The following SYT14 variants were observed in gnomAD, a reference collection of about 807,000 sequenced individuals.
The protein encoded by SYT14 is synaptotagmin-14.
Under a neutral mutation model 74.2 loss-of-function variants are expected in SYT14, and 32 were observed. That is an observed-to-expected ratio of 0.43 (90% confidence interval 0.33 to 0.58). The LOEUF (loss-of-function observed/expected upper bound fraction) is 0.58, where lower values mean the gene tolerates loss of function less well. Among genes scored for constraint, SYT14 ranks in the 20% least tolerant of loss-of-function variants. The probability of loss-of-function intolerance (pLI) is 0.05; values close to 1 mark genes in which losing one functional copy is unlikely to be tolerated. For synonymous variants in SYT14, 298 were observed against 337.7 expected (o/e 0.88, Z 1.29); for missense variants, 791 against 981.8 (o/e 0.81, Z 2.60).
At chr1:209,964,125 A>G (rs1176811795) in intron 2 of SYT14, among the ~76,000 whole-genome samples, 10 of 152,118 alleles carry the variant, frequency 6.6e-5, no homozygotes, top group Admixed American at 2.0e-4. Context: ...AGGTGATTGG[A>G]TCATGGGGGC....
intron 4 of SYT14, among the ~76,000 whole-genome samples, chr1:210,020,452 T>A (rs2080278424): frequency 6.6e-6 from 1 of 152,314 alleles, no homozygotes; most frequent in East Asian, 1.9e-4. Context: ...AAAAGTTTGA[T>A]ATATTTTGCC....
intron 5 of SYT14, among the ~76,000 whole-genome samples, chr1:210,073,009 TA>T (rs11299416): frequency 0.96 from 138,976 of 144,364 alleles, 66,916 homozygotes; most frequent in South Asian, 0.99. Flanking sequence ...TTGCAATCTG[TA>T]AAAAAAAAAA....
chr1:210,155,183 C>T (rs1250609823), intron 7 of SYT14, among the ~76,000 whole-genome samples: 1 of 152,128 alleles, frequency 6.6e-6, no homozygotes, highest in African/African-American at 2.4e-5. Context: ...TGATTATTGC[C>T]TTAAAGCCAA....
rs375999019 is a variant in SYT14, at chr1:210,013,629, C to G, written c.-485-4C>G. On this transcript the variant is annotated splice_region_variant and splice_polypyrimidine_tract_variant and intron_variant, in intron 2 of 9. Transcript: ENST00000637265. ...CTTACAGCTGTGACTTTTTTTTTCTCTAGTATCTCCAGAGGCAGTTGGATT... is the reference window on the plus strand; with the variant it reads ...CTTACAGCTGTGACTTTTTTTTTCTGTAGTATCTCCAGAGGCAGTTGGATT... 2.5e-6 allele frequency: 4 copies of G among 1,608,508 alleles called. No homozygotes were observed. Among genetic ancestry groups the G allele is most frequent in the South Asian group, 2.2e-5 (2 of 89,750 alleles).
chr1:210,148,643 A>C (rs1468684578), intron 7 of SYT14, among the ~76,000 whole-genome samples: 3 of 152,214 alleles, frequency 2.0e-5, no homozygotes, highest in Non-Finnish European at 2.9e-5. Flanking sequence ...AAAGTGATTT[A>C]AGAGTAGTAG....
intron 2 of SYT14, among the ~76,000 whole-genome samples, chr1:209,977,784 A>T (rs1245940178): frequency 6.6e-6 from 1 of 152,192 alleles, no homozygotes; most frequent in Non-Finnish European, 1.5e-5. Context: ...TCTCTTGGAT[A>T]ATATCCTGCA....
chr1:209,997,511 GAATT>G (rs1329780757), intron 2 of SYT14, among the ~76,000 whole-genome samples: 1 of 152,058 alleles, frequency 6.6e-6, no homozygotes, highest in Non-Finnish European at 1.5e-5. Flanking sequence ...TGAATTGGAA[GAATT>G]AATATCGTTA....
intron 5 of SYT14, among the ~76,000 whole-genome samples, chr1:210,077,816 G>A (rs528532875): frequency 9.2e-5 from 14 of 152,102 alleles, no homozygotes; most frequent in African/African-American, 3.1e-4. Flanking sequence ...GTGATTTGGG[G>A]GAAATTTTTT....
At chr1:210,021,330 C>A in intron 5 of SYT14, 76 bp downstream of exon 4, 1 of 1,317,520 alleles carries the variant, frequency 7.6e-7, no homozygotes, top group East Asian at 2.4e-5. Flanking sequence ...TTCTAGGAAT[C>A]TGTGGTTGCA....
At chr1:210,107,830 A>T (rs1441958899) in intron 7 of SYT14, among the ~76,000 whole-genome samples, 1 of 151,866 alleles carries the variant, frequency 6.6e-6, no homozygotes, top group Non-Finnish European at 1.5e-5. Context: ...TGCCTGCAGG[A>T]TGTTTACCTA....
At chr1:210,007,334 C>T (rs990419094) in intron 2 of SYT14, among the ~76,000 whole-genome samples, 4 of 151,752 alleles carry the variant, frequency 2.6e-5, no homozygotes, top group African/African-American at 7.3e-5. Context: ...ATATAGTGGA[C>T]GATATAGCTC....
chr1:210,159,840 A>G (rs976272623), intron 9 of SYT14, among the ~76,000 whole-genome samples: 1 of 152,190 alleles, frequency 6.6e-6, no homozygotes, highest in African/African-American at 2.4e-5. Flanking sequence ...GATCATTTGC[A>G]TGAGTCTAAA....
chr1:210,107,913 T>G (rs1207769758), intron 7 of SYT14, among the ~76,000 whole-genome samples: 3 of 152,198 alleles, frequency 2.0e-5, no homozygotes. Context: ...CTTTGTTTTT[T>G]TATGATAATC....
At chr1:210,016,898 A>T in exon 4 of SYT14, 1 of 1,231,754 alleles carries the variant, frequency 8.1e-7, no homozygotes, top group Non-Finnish European at 1.0e-6. Flanking sequence ...ACAGAAATCT[A>T]TTATAAAAGA....
At chr1:210,005,163 T>C (rs182901606) in intron 2 of SYT14, among the ~76,000 whole-genome samples, 230 of 152,156 alleles carry the variant, frequency 1.5e-3, no homozygotes, top group African/African-American at 5.2e-3. Flanking sequence ...AAGCTACTTC[T>C]CTTCAAAATG....
chr1:210,007,642 AT>A (rs1209758101), intron 2 of SYT14, among the ~76,000 whole-genome samples: 1 of 152,080 alleles, frequency 6.6e-6, no homozygotes, highest in Non-Finnish European at 1.5e-5. Context: ...TAAATAAAAT[AT>A]TTGCACATAA....
intron 7 of SYT14, among the ~76,000 whole-genome samples, chr1:210,142,845 A>G (rs1572372189): frequency 6.6e-6 from 1 of 152,202 alleles, no homozygotes; most frequent in Non-Finnish European, 1.5e-5. Flanking sequence ...AAAGATAACT[A>G]AGATGAAATT....
At chr1:210,021,498 T>C (rs1324223571) in intron 5 of SYT14, among the ~76,000 whole-genome samples, 1 of 152,238 alleles carries the variant, frequency 6.6e-6, no homozygotes, top group East Asian at 1.9e-4. Flanking sequence ...GTAGCTCTTA[T>C]TTCACAGTGA....
chr1:210,143,681 C>A (rs1241173900), intron 7 of SYT14, among the ~76,000 whole-genome samples: 1 of 151,984 alleles, frequency 6.6e-6, no homozygotes, highest in Non-Finnish European at 1.5e-5. Context: ...CACAGTCTTA[C>A]AATGTATAAA....
Sources: gnomAD v4.1 joint callset for allele counts (sites outside exome capture counted in the v4.1 genomes callset) on GRCh38, gnomAD v4.1.1 for gene constraint, MANE v1.5 for transcripts, NCBI Gene and HGNC (gene_info 2026-07-23, HGNC 2026-07-21) for gene names.